The following SEC63 variants were observed in gnomAD, a reference collection of about 807,000 sequenced individuals.
SEC63 encodes the protein SEC63 protein translocation regulator.
A neutral mutation model predicts 116.2 loss-of-function variants in SEC63; 56 were observed. That is an observed-to-expected ratio of 0.48 (90% CI 0.39 to 0.60). SEC63 has a LOEUF of 0.60. SEC63 is among the 20% of genes least tolerant of loss of function. SEC63 has a pLI of 0.00. For missense variants in SEC63, 668 were observed against 900.0 expected, an observed-to-expected ratio of 0.74 and a Z score of 3.30; for synonymous variants, 273 against 294.6, an observed-to-expected ratio of 0.93 and a Z score of 0.75.
chr6:107,929,435 T>A lies in SEC63; in HGVS notation c.204A>T (p.Pro68=), dbSNP rs765603267. 1 of 1,577,084 alleles carries A rather than the reference T, an allele frequency of 6.3e-7. No homozygotes were observed. Among genetic ancestry groups the A allele is most frequent in the East Asian group, 2.2e-5 (1 of 44,626 alleles). ...WYRLRLLKPQ[P]NIIPTVKKIV... is the part of the protein sequence containing the mutation. Reference sequence around the variant, plus strand: ...CTTACTTTACTGTAGGAATAATATTTGGCTGGGGTTTTAATAACCGTAAAC... The same window carrying A: ...CTTACTTTACTGTAGGAATAATATTAGGCTGGGGTTTTAATAACCGTAAAC... Residue 68 remains proline, a synonymous_variant, in exon 2 of 21, where the codon CCA becomes CCT. Transcript: ENST00000369002.
Position 107,906,577 on chromosome 6 carries a change from T to G in SEC63, c.832A>C (p.Ile278Leu). The G allele has an allele frequency of 6.2e-7, 1 of 1,612,338 alleles. No homozygotes were observed. The highest frequency in any genetic ancestry group is 1.1e-5 in the South Asian group (1 of 90,950). Residue 278 changes from isoleucine (I) to leucine (L), a missense_variant, in exon 10 of 21, where the codon ATC (isoleucine) becomes CTC (leucine). Transcript: ENST00000369002. ...AAATTAATGCTGCCAATTTCTCTGA[T>G]TAGCTAGAATAAATAAAATAATTAT... ...PTDNILIPQL[I>L]REIGSINLKK...
At chr6:107,928,486 C>G (rs1371863780) in intron 2 of SEC63, among the ~76,000 whole-genome samples, 1 of 142,930 alleles carries the variant, frequency 7.0e-6, no homozygotes, top group African/African-American at 2.6e-5. Flanking sequence ...AAGACTCTGT[C>G]TCAAAAAAAA....
At chr6:107,945,784 G>A (rs1430643018) in intron 1 of SEC63, among the ~76,000 whole-genome samples, 2 of 152,060 alleles carry the variant, frequency 1.3e-5, no homozygotes, top group African/African-American at 4.8e-5. Context: ...TGAATAAAAA[G>A]TATGATTAAG....
At chr6:107,929,064 C>T (rs1787739045) in intron 2 of SEC63, among the ~76,000 whole-genome samples, 1 of 152,220 alleles carries the variant, frequency 6.6e-6, no homozygotes, top group African/African-American at 2.4e-5. Context: ...CTTTAATTAT[C>T]ACCATGAAAT....
intron 1 of SEC63, among the ~76,000 whole-genome samples, chr6:107,956,724 A>C (rs1770719903): frequency 6.6e-6 from 1 of 152,148 alleles, no homozygotes; most frequent in South Asian, 2.1e-4. Context: ...CCTGCAGATC[A>C]CATGGGGCGG....
intron 19 of SEC63, among the ~76,000 whole-genome samples, chr6:107,873,320 A>T (rs1171011356): frequency 6.6e-6 from 1 of 152,208 alleles, no homozygotes; most frequent in Admixed American, 6.5e-5. Flanking sequence ...TTCTAGAATA[A>T]ACGCCCAATG....
chr6:107,910,338 A>G (rs1019566590), intron 7 of SEC63, among the ~76,000 whole-genome samples: 6 of 152,060 alleles, frequency 3.9e-5, no homozygotes, highest in Non-Finnish European at 7.4e-5. Context: ...ATGGTGGTAC[A>G]CACTTGTGGT....
chr6:107,898,204 A>C (rs1254890134), intron 13 of SEC63, among the ~76,000 whole-genome samples: 4 of 151,674 alleles, frequency 2.6e-5, no homozygotes. Context: ...CGGAGGTTGC[A>C]GTGAGCCCAG....
chr6:107,920,901 T>C (rs762267694), intron 4 of SEC63, among the ~76,000 whole-genome samples: 3 of 152,218 alleles, frequency 2.0e-5, no homozygotes, highest in Non-Finnish European at 2.9e-5. Flanking sequence ...TGTGAATATA[T>C]GTATCTCATA....
At chr6:107,924,781 A>G (rs1787638835) in intron 3 of SEC63, 37 bp downstream of exon 3, 3 of 959,512 alleles carry the variant, frequency 3.1e-6, no homozygotes, top group Non-Finnish European at 5.1e-6. Flanking sequence ...TCATGGGACC[A>G]TTAAACTAAT....
intron 11 of SEC63, 58 bp downstream of exon 11, chr6:107,904,571 C>T (rs2114446702): frequency 7.5e-7 from 1 of 1,330,650 alleles, no homozygotes. Context: ...ATATGAAGTA[C>T]AATCTGCATA....
intron 1 of SEC63, among the ~76,000 whole-genome samples, chr6:107,943,658 GACA>G (rs1418519525): frequency 6.6e-6 from 1 of 152,188 alleles, no homozygotes; most frequent in East Asian, 1.9e-4. Flanking sequence ...TCTGAGCAAA[GACA>G]ACAGAGATGA....
In SEC63 at chr6:107,871,644, T is replaced by A. The variant is rs1786135712; in HGVS notation, c.*60A>T. ...GTACTGTTTCTGGTTTATGATACACTTCCAAAACAGCAAAAAATTGCAAAT... is the reference window on the plus strand; with the variant it reads ...GTACTGTTTCTGGTTTATGATACACATCCAAAACAGCAAAAAATTGCAAAT... On this transcript the variant is annotated 3_prime_UTR_variant, in exon 21 of 21. Coordinates refer to ENST00000369002, the MANE Select transcript of SEC63 (RefSeq NM_007214.5). 1 of 1,578,728 alleles carries A rather than the reference T, an allele frequency of 6.3e-7. No homozygotes were observed. The highest frequency in any genetic ancestry group is 1.3e-5 in the African/African-American group (1 of 74,166).
At chr6:107,915,904 A>G (rs1055570391) in intron 4 of SEC63, among the ~76,000 whole-genome samples, 9 of 152,160 alleles carry the variant, frequency 5.9e-5, no homozygotes, top group African/African-American at 2.2e-4. Context: ...CGATCACTTC[A>G]CTTTTTCATT....
At chr6:107,933,060 G>A (rs1787848585) in intron 1 of SEC63, among the ~76,000 whole-genome samples, 1 of 151,944 alleles carries the variant, frequency 6.6e-6, no homozygotes, top group Admixed American at 6.6e-5. Context: ...TAATCACAGG[G>A]GTACTTTTAA....
chr6:107,872,292 T>C (rs1786153116), intron 20 of SEC63, among the ~76,000 whole-genome samples: 1 of 152,194 alleles, frequency 6.6e-6, no homozygotes, highest in South Asian at 2.1e-4. Flanking sequence ...GAGGTTCGCA[T>C]TTACTGGCTA....
At chr6:107,936,975 C>T (rs973609777) in intron 1 of SEC63, among the ~76,000 whole-genome samples, 1 of 152,176 alleles carries the variant, frequency 6.6e-6, no homozygotes, top group African/African-American at 2.4e-5. Flanking sequence ...GTTTAGCTCC[C>T]ACTTATAAGT....
intron 16 of SEC63, 90 bp from the exon 17 acceptor site, chr6:107,883,236 A>G: frequency 1.4e-6 from 2 of 1,466,192 alleles, no homozygotes; most frequent in Non-Finnish European, 1.9e-6. Context: ...TGTCAATTTA[A>G]CTAAACTGAC....
chr6:107,877,877 T>A (rs189207305), intron 18 of SEC63, among the ~76,000 whole-genome samples: 1 of 152,192 alleles, frequency 6.6e-6, no homozygotes, highest in African/African-American at 2.4e-5. Flanking sequence ...GATAAAGCAC[T>A]GCAACATTAA....
Sources: allele counts gnomAD v4.1 joint callset (sites outside exome capture counted in the v4.1 genomes callset), GRCh38; gene constraint gnomAD v4.1.1; transcripts MANE v1.5; gene names NCBI Gene and HGNC (gene_info 2026-07-23, HGNC 2026-07-21).